NCOA7: variants seen among roughly 807,000 people sequenced by gnomAD.
The protein encoded by NCOA7 is nuclear receptor coactivator 7.
NCOA7 carries 45 observed loss-of-function variants against 104.3 expected under a neutral mutation model. The ratio of observed to expected loss-of-function variants is 0.43; its 90% confidence interval spans 0.34 to 0.55. The LOEUF (loss-of-function observed/expected upper bound fraction) is 0.55. Among genes scored for constraint, NCOA7 ranks in the 20% least tolerant of loss-of-function variants. NCOA7 has a pLI of 0.02. For missense variants in NCOA7, 1,041 were observed against 1,119.7 expected, an observed-to-expected ratio of 0.93 and a Z score of 1.00; for synonymous variants, 398 against 402.3, an observed-to-expected ratio of 0.99 and a Z score of 0.13.
At chr6:125,796,909 T>TGCA (rs1178758842) in intron 1 of NCOA7, 1 of 152,282 alleles carries the variant, frequency 6.6e-6, no homozygotes, top group African/African-American at 2.4e-5. Flanking sequence ...CTTGGTTGGT[T>TGCA]GATTCCATGG....
intron 3 of NCOA7, among the ~76,000 whole-genome samples, chr6:125,857,441 A>T (rs4895800): frequency 0.3 from 41,668 of 139,542 alleles, 6,957 homozygotes; most frequent in East Asian, 0.43. Flanking sequence ...ATATATATAT[A>T]TTTTTTTTTT....
At chr6:125,891,392 A>G (rs1183393666) in intron 10 of NCOA7, among the ~76,000 whole-genome samples, 3 of 152,192 alleles carry the variant, frequency 2.0e-5, no homozygotes, top group African/African-American at 4.8e-5. Context: ...TGGCATAGAA[A>G]TTCTTCAACA....
intron 3 of NCOA7, among the ~76,000 whole-genome samples, chr6:125,857,647 G>T (rs959839063): frequency 1.3e-5 from 2 of 151,796 alleles, no homozygotes; most frequent in African/African-American, 4.8e-5. Flanking sequence ...TGCAACCTCT[G>T]CCTCTGGGGT....
chr6:125,803,418 A>G (rs1776104149), intron 1 of NCOA7, among the ~76,000 whole-genome samples: 1 of 152,228 alleles, frequency 6.6e-6, no homozygotes, highest in Non-Finnish European at 1.5e-5. Flanking sequence ...GATAAATAGT[A>G]CAGTTGTAGG....
At chr6:125,814,405 C>G (rs1006357281) in intron 1 of NCOA7, among the ~76,000 whole-genome samples, 4 of 152,214 alleles carry the variant, frequency 2.6e-5, no homozygotes, top group African/African-American at 9.7e-5. Context: ...TTCTGCCTGC[C>G]TCGGCCTCCC....
chr6:125,880,979 G>T (rs1194041437), intron 5 of NCOA7, 111 bp from the exon 6 acceptor site: 2 of 732,486 alleles, frequency 2.7e-6, no homozygotes, highest in East Asian at 2.5e-5. Flanking sequence ...AGCAACCTAG[G>T]TCGTAATCAT....
intron 1 of NCOA7, among the ~76,000 whole-genome samples, chr6:125,796,457 C>T (rs76371424): frequency 2.7e-5 from 4 of 150,658 alleles, no homozygotes; most frequent in Admixed American, 2.6e-4. Flanking sequence ...TTCTGATATC[C>T]AATGGTATAG....
intron 15 of NCOA7, 23 bp from the exon 16 acceptor site, chr6:125,928,609 CTTTT>C (rs76258285): frequency 2.0e-5 from 29 of 1,472,382 alleles, no homozygotes; most frequent in Admixed American, 1.0e-4. Flanking sequence ...GTGTTTTTAC[CTTTT>C]TTTTTTTTTT....
chr6:125,889,427 C>G lies in NCOA7; in HGVS notation c.1373C>G (p.Ala458Gly). ...GCTGAGTCACAAATAAACAATTCTG[C>G]CGTGGAAATGCAGGTGCAGTCAGCC... ...KKAESQINNSAVEMQVQSALA... is the reference protein window; with the variant it reads ...KKAESQINNSGVEMQVQSALA... Residue 458 changes from alanine to glycine, a missense_variant, in exon 9 of 16, where the codon GCC becomes GGC. Ala to Gly is a moderately conservative substitution (Grantham distance 60). Around this residue, in one of 2 missense-constraint regions of NCOA7, gnomAD observed 914 missense variants for 942.7 expected, o/e 0.97. Coordinates refer to ENST00000392477, the MANE Select transcript of NCOA7 (RefSeq NM_181782.5). The G allele has an allele frequency of 6.2e-7, 1 of 1,613,874 alleles. No individual in the cohort carries two copies. Among genetic ancestry groups the G allele is most frequent in the Non-Finnish European group, 8.5e-7 (1 of 1,179,946 alleles).
rs1440598520 is a variant in NCOA7 at position 125,931,540 on chromosome 6, A to C, written c.*2769A>C. 1 of 152,204 alleles carries C rather than the reference A, an allele frequency of 6.6e-6. No homozygotes were observed. Among genetic ancestry groups the C allele is most frequent in the Admixed American group, 6.5e-5 (1 of 15,280 alleles). 9.4% of individuals were successfully genotyped at this position (152,204 alleles called of 1,614,324 possible). ...TCATTGCTTCATAATTCCTCAGTTC[A>C]TAAGTCCATATCAAAGGACTTGGGT... On this transcript the variant is annotated 3_prime_UTR_variant, in exon 16 of 16. Coordinates refer to ENST00000392477, the MANE Select transcript of NCOA7 (RefSeq NM_181782.5).
intron 1 of NCOA7, among the ~76,000 whole-genome samples, chr6:125,810,621 A>G (rs547797464): frequency 1.3e-5 from 2 of 152,318 alleles, no homozygotes; most frequent in South Asian, 4.1e-4. Context: ...TTATAATGGA[A>G]AATGTAGTTC....
intron 3 of NCOA7, among the ~76,000 whole-genome samples, chr6:125,858,958 C>G (rs1443166457): frequency 1.3e-5 from 2 of 152,112 alleles, no homozygotes; most frequent in Non-Finnish European, 2.9e-5. Context: ...TGGCTCTAGT[C>G]TGGGAGGGAA....
intron 2 of NCOA7, among the ~76,000 whole-genome samples, chr6:125,851,647 T>C (rs1243768412): frequency 6.6e-6 from 1 of 152,246 alleles, no homozygotes; most frequent in Non-Finnish European, 1.5e-5. Context: ...ATGGTAGATA[T>C]ACTTTTAATT....
At chr6:125,794,984 C>CAT (rs34723070) in intron 1 of NCOA7, among the ~76,000 whole-genome samples, 86,734 of 151,894 alleles carry the variant, frequency 0.57, 24,863 homozygotes, top group East Asian at 0.75. Context: ...TTTAATAAAT[C>CAT]AGAGTCTTCT....
intron 2 of NCOA7, among the ~76,000 whole-genome samples, chr6:125,828,637 C>T (rs1228601106): frequency 6.6e-6 from 1 of 152,084 alleles, no homozygotes; most frequent in Non-Finnish European, 1.5e-5. Flanking sequence ...CAGGGATGTC[C>T]ACTTGAAGAC....
chr6:125,788,245 T>G (rs1774559238), upstream of NCOA7, among the ~76,000 whole-genome samples: 1 of 152,218 alleles, frequency 6.6e-6, no homozygotes, highest in South Asian at 2.1e-4. Flanking sequence ...TAATTTAAAT[T>G]TAAACGGCTA....
intron 10 of NCOA7, among the ~76,000 whole-genome samples, chr6:125,903,931 C>G (rs1481858333): frequency 2.0e-5 from 3 of 152,100 alleles, no homozygotes; most frequent in Non-Finnish European, 4.4e-5. Flanking sequence ...TGGTCTCGAA[C>G]TCTTGACCTC....
At position 125,894,708 on chromosome 6, in the gene NCOA7, T is replaced by C. The variant is rs1339898647; in HGVS notation, c.2096+3898T>C. 2.0e-5 allele frequency among the ~76,000 whole-genome samples: 3 copies of C among 151,496 alleles called. No homozygotes were observed. In the East Asian group the frequency reaches 5.8e-4, roughly 29 times the overall value. The stretch of plus-strand genomic sequence containing the variant: ...CTGAAATGAACCAGACACACTGATT[T>C]GGACTGTATTAACCGATTTCCCATT... On this transcript the variant is annotated intron_variant, in intron 10 of 15. Coordinates refer to ENST00000392477, the MANE Select transcript of NCOA7 (RefSeq NM_181782.5).
Position 125,864,550 on chromosome 6 carries a change from C to T in NCOA7, c.271+9310C>T, listed in dbSNP as rs552702390. 3.0e-4 allele frequency among the ~76,000 whole-genome samples: 40 copies of T among 132,292 alleles called. 4 individuals carry two copies. In the South Asian group the frequency reaches 3.1e-3, roughly 10 times the overall value. The allele number at this position is 132,292 out of a possible 152,430, so 86.8% of individuals were successfully genotyped here. ...TACATGTTGAAATCCTACTTCCCAA[C>T]GTGATAGTATCAGGAGGTGGGACCT... On this transcript the variant is annotated intron_variant, in intron 3 of 15. Coordinates refer to ENST00000392477, the MANE Select transcript of NCOA7 (RefSeq NM_181782.5).
Sources: allele counts gnomAD v4.1 joint callset (sites outside exome capture counted in the v4.1 genomes callset), GRCh38; gene constraint gnomAD v4.1.1; regional missense constraint gnomAD v4.1.1; transcripts MANE v1.5; gene names NCBI Gene and HGNC (gene_info 2026-07-23, HGNC 2026-07-21).